ANKS1B: variants seen among roughly 807,000 people sequenced by gnomAD.
ANKS1B encodes ankyrin repeat and sterile alpha motif domain-containing protein 1B.
In ANKS1B, 36 loss-of-function variants were observed where a neutral mutation model predicts 148.3. That is an observed-to-expected ratio of 0.24 (90% CI 0.19 to 0.32). The LOEUF (loss-of-function observed/expected upper bound fraction) is 0.32, where lower values mean the gene tolerates loss of function less well. Among genes scored for constraint, ANKS1B ranks in the 10% least tolerant of loss-of-function variants. The pLI, the probability that ANKS1B is intolerant of heterozygous loss-of-function variation, is 1.00. For missense variants in ANKS1B, 1,157 were observed against 1,542.6 expected (o/e 0.75, Z 4.19); for synonymous variants, 542 against 560.8 (o/e 0.97, Z 0.47).
chr12:99,431,693 A>T (rs748974794), intron 11 of ANKS1B, among the ~76,000 whole-genome samples: 2 of 152,246 alleles, frequency 1.3e-5, no homozygotes, highest in Non-Finnish European at 2.9e-5. Flanking sequence ...GGAAGGTGGC[A>T]GAATATCTGG....
chr12:99,274,578 C>T (rs1259850415), intron 12 of ANKS1B, among the ~76,000 whole-genome samples: 3 of 152,146 alleles, frequency 2.0e-5, no homozygotes, highest in Non-Finnish European at 4.4e-5. Flanking sequence ...CTGCTAACAC[C>T]TGCCTTTTTA....
chr12:99,553,064 C>T (rs1232393357), intron 9 of ANKS1B, among the ~76,000 whole-genome samples: 1 of 152,170 alleles, frequency 6.6e-6, no homozygotes, highest in African/African-American at 2.4e-5. Context: ...CATTTGTCAT[C>T]ATTTAAAGTT....
chr12:99,275,322 A>G (rs1300378930), intron 12 of ANKS1B, among the ~76,000 whole-genome samples: 1 of 152,104 alleles, frequency 6.6e-6, no homozygotes, highest in Non-Finnish European at 1.5e-5. Context: ...TTTTGTACCT[A>G]TTAACCACCC....
At chr12:99,496,072 T>A (rs1330882207) in intron 10 of ANKS1B, among the ~76,000 whole-genome samples, 1 of 152,206 alleles carries the variant, frequency 6.6e-6, no homozygotes, top group Non-Finnish European at 1.5e-5. Context: ...GTGTCCTTTT[T>A]TTATCAGAGA....
At chr12:99,934,951 T>A (rs2094722141) in intron 1 of ANKS1B, among the ~76,000 whole-genome samples, 1 of 152,164 alleles carries the variant, frequency 6.6e-6, no homozygotes, top group African/African-American at 2.4e-5. Context: ...ACTGGGGGAC[T>A]GGTGATCTGG....
intron 25 of ANKS1B, among the ~76,000 whole-genome samples, chr12:98,758,780 C>CTTTTTTT (rs59375322): frequency 8.3e-6 from 1 of 120,630 alleles, no homozygotes; most frequent in Non-Finnish European, 1.7e-5. Flanking sequence ...CTTTTCCTTC[C>CTTTTTTT]TTTTTTTTTT....
intron 17 of ANKS1B, among the ~76,000 whole-genome samples, chr12:98,886,419 A>G (rs1241054537): frequency 1.3e-5 from 2 of 152,230 alleles, no homozygotes; most frequent in Non-Finnish European, 2.9e-5. Context: ...CACAGAAGAA[A>G]GGACTCATGT....
intron 1 of ANKS1B, among the ~76,000 whole-genome samples, chr12:99,972,499 C>T (rs1320687051): frequency 6.6e-6 from 1 of 152,312 alleles, no homozygotes; most frequent in Admixed American, 6.5e-5. Flanking sequence ...TCCCTTAAGG[C>T]AAAGCCTAAT....
intron 1 of ANKS1B, among the ~76,000 whole-genome samples, chr12:99,944,601 C>T (rs1012766803): frequency 2.0e-5 from 3 of 152,040 alleles, no homozygotes; most frequent in Non-Finnish European, 2.9e-5. Context: ...GTGCTGGACT[C>T]GCAGGCAAAA....
chr12:99,311,021 C>T (rs573990922), intron 12 of ANKS1B, among the ~76,000 whole-genome samples: 2 of 152,224 alleles, frequency 1.3e-5, no homozygotes, highest in South Asian at 2.1e-4. Flanking sequence ...ACATATAAGA[C>T]ACTTAGTAGG....
Position 98,913,405 on chromosome 12 carries a change from C to T in ANKS1B, c.2779-81269G>A, listed in dbSNP as rs2099789414. 2.0e-5 allele frequency among the ~76,000 whole-genome samples: 3 copies of T among 152,186 alleles called. No homozygotes were observed. The South Asian group carries it at 6.2e-4, about 32-fold the overall frequency. On this transcript the variant is annotated intron_variant, in intron 17 of 26. Transcript: ENST00000683438. ...CTTCTCTGTCTTCTTGCTGATTCCT[C>T]CTCATACTCTCGACCTCTAAATGTT...
At chr12:99,478,144 A>G (rs2096355401) in intron 10 of ANKS1B, among the ~76,000 whole-genome samples, 1 of 152,140 alleles carries the variant, frequency 6.6e-6, no homozygotes, top group South Asian at 2.1e-4. Flanking sequence ...TGTAAAACAA[A>G]AGGTTTACAC....
At chr12:99,044,214 T>A (rs943899204) in intron 17 of ANKS1B, among the ~76,000 whole-genome samples, 3 of 140,186 alleles carry the variant, frequency 2.1e-5, no homozygotes, top group Non-Finnish European at 3.0e-5. Context: ...TGGATTAAAA[T>A]TTTTTTTTTT....
chr12:99,136,438 T>C (rs1322761925), intron 15 of ANKS1B, among the ~76,000 whole-genome samples: 1 of 152,164 alleles, frequency 6.6e-6, no homozygotes, highest in African/African-American at 2.4e-5. Context: ...TCATGCTGGC[T>C]TTGCCATGGA....
chr12:99,638,311 G>C (rs1056001909), intron 9 of ANKS1B, among the ~76,000 whole-genome samples: 3 of 152,078 alleles, frequency 2.0e-5, no homozygotes, highest in African/African-American at 7.3e-5. Flanking sequence ...GGAAGATATG[G>C]GGAAGTTTGG....
At chr12:99,350,727 T>A (rs183245848) in intron 12 of ANKS1B, among the ~76,000 whole-genome samples, 29 of 152,242 alleles carry the variant, frequency 1.9e-4, no homozygotes, top group African/African-American at 7.0e-4. Context: ...CATCAACTGA[T>A]GTTTAATATT....
At chr12:99,422,079 A>T (rs929576339) in intron 11 of ANKS1B, among the ~76,000 whole-genome samples, 3 of 152,236 alleles carry the variant, frequency 2.0e-5, no homozygotes, top group Non-Finnish European at 4.4e-5. Flanking sequence ...GAGCCAATTA[A>T]ATCTGTTTTC....
At chr12:99,775,422 A>G (rs930073869) in intron 7 of ANKS1B, 126 bp downstream of exon 7, 6 of 512,848 alleles carry the variant, frequency 1.2e-5, no homozygotes, top group Non-Finnish European at 1.7e-5. Flanking sequence ...AGCCCTAATC[A>G]GTAACAGGAG....
At position 98,748,658 on chromosome 12, in the gene ANKS1B, C is replaced by T. The variant is rs540762723; in HGVS notation, c.3747+2697G>A. Among the ~76,000 whole-genome samples the T allele has an allele frequency of 2.6e-4, 40 of 152,294 alleles. 1 individual carries two copies. The South Asian group carries it at 7.7e-3, about 29-fold the overall frequency. On this transcript the variant is annotated intron_variant, in intron 26 of 26. Transcript: ENST00000683438. ...ACTGAATATTTCTTACCAAGAAATG[C>T]CTGGGGCTGAAGGAACTAGAATACT...
Sources: gnomAD v4.1 joint callset for allele counts (sites outside exome capture counted in the v4.1 genomes callset) on GRCh38, gnomAD v4.1.1 for gene constraint, MANE v1.5 for transcripts, NCBI Gene and HGNC (gene_info 2026-07-23, HGNC 2026-07-21) for gene names.